Variants in SLC6A9 observed in about 807,000 individuals in gnomAD.
The protein encoded by SLC6A9 is solute carrier family 6 member 9.
SLC6A9 carries 31 observed loss-of-function variants against 70.9 expected under a neutral mutation model. The ratio of observed to expected loss-of-function variants is 0.44; its 90% confidence interval spans 0.33 to 0.59. SLC6A9 has a LOEUF of 0.59. Among genes scored for constraint, SLC6A9 ranks in the 20% least tolerant of loss-of-function variants. SLC6A9 has a pLI of 0.04. For missense variants in SLC6A9, 631 were observed against 845.2 expected (o/e 0.75, Z 3.14); for synonymous variants, 310 against 341.3 (o/e 0.91, Z 1.01).
rs59330488 is a variant in SLC6A9, at chr1:44,008,164, G to A, written c.590+189C>T. Among the ~76,000 whole-genome samples the A allele has an allele frequency of 2.7e-3, 413 of 152,162 alleles. 2 individuals are homozygous for A. The highest frequency in any genetic ancestry group is 9.6e-3 in the African/African-American group (397 of 41,510). ...ATTACAGGCATGAGCCACCGTGCCC[G>A]GCCTCCATCTTCCATTGCTTTCTGT... On this transcript the variant is annotated intron_variant, in intron 5 of 13. Coordinates refer to ENST00000372310, the MANE Select transcript of SLC6A9 (RefSeq NM_001024845.3).
intron 2 of SLC6A9, among the ~76,000 whole-genome samples, chr1:44,019,410 G>A (rs542195844): frequency 6.6e-6 from 1 of 152,378 alleles, no homozygotes; most frequent in South Asian, 2.1e-4. Context: ...TACCGACTCA[G>A]CTGCTCACTG....
intron 12 of SLC6A9, among the ~76,000 whole-genome samples, chr1:43,999,666 G>A (rs1421055644): frequency 2.0e-5 from 3 of 152,248 alleles, no homozygotes; most frequent in African/African-American, 4.8e-5. Context: ...TGCCAGGCTC[G>A]GGAACATCCC....
At chr1:44,000,601 CCT>C (rs2086054236) in intron 12 of SLC6A9, among the ~76,000 whole-genome samples, 164 bp downstream of exon 12, 1 of 152,250 alleles carries the variant, frequency 6.6e-6, no homozygotes, top group Non-Finnish European at 1.5e-5. Context: ...TCGCCACACG[CCT>C]CTCTGACTCT....
intron 1 of SLC6A9, 52 bp from the exon 2 acceptor site, chr1:44,024,414 GCTCT>G: frequency 3.6e-6 from 4 of 1,116,902 alleles, no homozygotes; most frequent in Non-Finnish European, 5.4e-6. Flanking sequence ...GGCCCACAGG[GCTCT>G]CCAGACAGGT....
intron 2 of SLC6A9, chr1:44,014,891 C>T (rs990830728): frequency 5.9e-5 from 9 of 152,036 alleles, no homozygotes; most frequent in Admixed American, 4.6e-4. Flanking sequence ...CAGACAAGAT[C>T]GGGTGCGTTC....
intron 2 of SLC6A9, among the ~76,000 whole-genome samples, chr1:44,012,772 G>A (rs1029553747): frequency 6.6e-6 from 1 of 152,240 alleles, no homozygotes; most frequent in Non-Finnish European, 1.5e-5. Flanking sequence ...GTCAAGGAAG[G>A]TCTCCCTGAT....
intron 1 of SLC6A9, among the ~76,000 whole-genome samples, chr1:44,031,086 A>G (rs1436611996): frequency 6.9e-6 from 1 of 144,814 alleles, no homozygotes; most frequent in Non-Finnish European, 1.5e-5. Context: ...GCGCGCACCT[A>G]CCCCGATCTT....
In SLC6A9 at chr1:44,013,652, C is replaced by T. The variant is rs893015465; in HGVS notation, c.31-2770G>A. ...CACGGGAATCTGGCCCAGGCTTGGC[C>T]TCTGTCTTCAACTCCAGGGCTGTCT... On this transcript the variant is annotated intron_variant, in intron 2 of 13. Transcript: ENST00000372310. The surrounding 1 kb of genome is among the most constrained non-coding windows in gnomAD (Gnocchi z 5.3). Among the ~76,000 whole-genome samples, 1 of 152,190 alleles carries T rather than the reference C, an allele frequency of 6.6e-6. No individual in the cohort carries two copies. The highest frequency in any genetic ancestry group is 1.5e-5 in the Non-Finnish European group (1 of 68,032).
At chr1:44,029,332 G>A (rs2087048579) in intron 1 of SLC6A9, among the ~76,000 whole-genome samples, 2 of 152,206 alleles carry the variant, frequency 1.3e-5, no homozygotes, top group Admixed American at 6.5e-5. Flanking sequence ...CTGTGTTGGA[G>A]GAAGTGGAGG....
rs201953594 is a variant in SLC6A9 at position 43,997,572 on chromosome 1, G to A, written c.1875C>T (p.Ser625=). ...ATATCCGGGAGTCCTGGAGGCGGCTGGAGCCATTACTGCCCACAATGGGGA... is the reference window on the plus strand; with the variant it reads ...ATATCCGGGAGTCCTGGAGGCGGCTAGAGCCATTACTGCCCACAATGGGGA... ...AQIPIVGSNG[S]SRLQDSRI is the part of the protein sequence containing the mutation. Residue 625 remains serine (S), a synonymous_variant, in exon 14 of 14, where the codon TCC becomes TCT. Transcript: ENST00000372310. The surrounding 1 kb of genome is among the most constrained non-coding windows in gnomAD (Gnocchi z 4.4). The A allele has an allele frequency of 1.1e-4, 182 of 1,613,566 alleles. No individual in the cohort carries two copies. Among genetic ancestry groups the A allele is most frequent in the Non-Finnish European group, 2.3e-5 (27 of 1,179,976 alleles).
chr1:43,997,864 G>C lies in SLC6A9; in HGVS notation c.1698C>G (p.Thr566=). The C allele has an allele frequency of 1.2e-6, 2 of 1,609,252 alleles. No homozygotes were observed. The highest frequency in any genetic ancestry group is 1.7e-6 in the Non-Finnish European group (2 of 1,176,822). The change falls in exon 13 of 14, where the codon ACC becomes ACG. Residue 566 remains threonine (T), a synonymous_variant. Coordinates refer to ENST00000372310, the MANE Select transcript of SLC6A9 (RefSeq NM_001024845.3). This position sits in a 1 kb window ranked among gnomAD's most constrained non-coding sequence, Gnocchi z 4.4. ...CTGTCCCTGCCCTCACCTGGAGGAGGGTGTCCCCGTCTGTGCGGCAGAGCC... is the reference window on the plus strand; with the variant it reads ...CTGTCCCTGCCCTCACCTGGAGGAGCGTGTCCCCGTCTGTGCGGCAGAGCC... ...MFRLCRTDGD[T]LLQRLKNATK...
chr1:44,024,505 C>T, intron 1 of SLC6A9, 143 bp from the exon 2 acceptor site: 1 of 568,284 alleles, frequency 1.8e-6, no homozygotes, highest in Non-Finnish European at 3.1e-6. Flanking sequence ...TTCTGGAAGA[C>T]CCTCAGATCC....
intron 2 of SLC6A9, among the ~76,000 whole-genome samples, chr1:44,019,789 T>G (rs868286327): frequency 1.3e-5 from 2 of 152,256 alleles, no homozygotes; most frequent in African/African-American, 4.8e-5. Flanking sequence ...AGAGTGGGCA[T>G]GCTTCCAGAG....
intron 5 of SLC6A9, among the ~76,000 whole-genome samples, chr1:44,003,844 G>C (rs2086214907): frequency 6.6e-6 from 1 of 150,646 alleles, no homozygotes; most frequent in African/African-American, 2.4e-5. Context: ...GTGATCTTTT[G>C]ATCAATCAGA....
At position 44,001,188 on chromosome 1, in the gene SLC6A9, C is replaced by T. The variant is rs1043389439; in HGVS notation, c.1311G>A (p.Leu437=). 6.2e-7 allele frequency: 1 copy of T among 1,614,144 alleles called. No homozygotes were observed. Among genetic ancestry groups the T allele is most frequent in the African/African-American group, 1.3e-5 (1 of 74,960 alleles). Residue 437 remains leucine, a synonymous_variant, in exon 10 of 14, where the codon CTG becomes CTA. Coordinates refer to ENST00000372310, the MANE Select transcript of SLC6A9 (RefSeq NM_001024845.3). ...CCTGGCTGGTGAGGGGGATGCCCAGCAGGAAGCCAGCCACAGCCACGCCCA... is the reference window on the plus strand; with the variant it reads ...CCTGGCTGGTGAGGGGGATGCCCAGTAGGAAGCCAGCCACAGCCACGCCCA... ...VTLGVAVAGF[L]LGIPLTSQAG...
intron 12 of SLC6A9, among the ~76,000 whole-genome samples, chr1:43,998,530 C>T (rs2085967871): frequency 6.6e-6 from 1 of 152,218 alleles, no homozygotes; most frequent in Non-Finnish European, 1.5e-5. Flanking sequence ...CCCTCTCCTT[C>T]AAAAAGCCAT....
chr1:44,011,242 A>C (rs2086556323), intron 2 of SLC6A9, among the ~76,000 whole-genome samples: 1 of 152,310 alleles, frequency 6.6e-6, no homozygotes, highest in Admixed American at 6.5e-5. Flanking sequence ...ATCTGGGAGC[A>C]GCTGAGCCTC....
intron 5 of SLC6A9, among the ~76,000 whole-genome samples, chr1:44,003,850 T>C (rs2086215249): frequency 6.6e-6 from 1 of 151,142 alleles, no homozygotes; most frequent in Admixed American, 6.6e-5. Flanking sequence ...TTTTGATCAA[T>C]CAGACATTTA....
At position 43,998,782 on chromosome 1, in the gene SLC6A9, G is replaced by A. The variant is rs3791125; in HGVS notation, c.1537-757C>T. ...GGCAAAGCCCTGCCTGTCTATGGCC[G>A]TGGAGACAGGGACATTCAGCCTGGG... On this transcript the variant is annotated intron_variant, in intron 12 of 13. Coordinates refer to ENST00000372310, the MANE Select transcript of SLC6A9 (RefSeq NM_001024845.3). 7.6e-3 allele frequency among the ~76,000 whole-genome samples: 1,162 copies of A among 152,310 alleles called. 14 individuals carry two copies. Among genetic ancestry groups the A allele is most frequent in the East Asian group, 0.063 (326 of 5,176 alleles).
Sources: allele counts gnomAD v4.1 joint callset (sites outside exome capture counted in the v4.1 genomes callset), GRCh38; gene constraint gnomAD v4.1.1; non-coding constraint Gnocchi (gnomAD v3.1); transcripts MANE v1.5; gene names NCBI Gene and HGNC (gene_info 2026-07-23, HGNC 2026-07-21).